CHEK2: variants seen among roughly 807,000 people sequenced by gnomAD.
The protein encoded by CHEK2 is serine/threonine-protein kinase Chk2.
A neutral mutation model predicts 69.1 loss-of-function variants in CHEK2; 71 were observed. That is an observed-to-expected ratio of 1.03 (90% CI 0.85 to 1.25). The LOEUF is 1.25. Among genes scored for constraint, CHEK2 ranks in the 50% most tolerant of loss-of-function variants. The pLI is 0.00. For synonymous variants in CHEK2, 189 were observed against 226.9 expected (o/e 0.83, Z 1.50); for missense variants, 664 against 649.6 (o/e 1.02, Z -0.24).
intron 7 of CHEK2, chr22:28,708,869 C>T (rs1445063726): frequency 1.1e-5 from 3 of 279,498 alleles, no homozygotes; most frequent in African/African-American, 4.7e-5. Flanking sequence ...AGGAGAATGG[C>T]GTGAACCCGG....
intron 7 of CHEK2, among the ~76,000 whole-genome samples, chr22:28,704,088 C>T (rs2053006893): frequency 6.7e-6 from 1 of 149,026 alleles, no homozygotes; most frequent in Non-Finnish European, 1.5e-5. Flanking sequence ...CTCTAAAACA[C>T]ACTTGGGTCG....
intron 7 of CHEK2, among the ~76,000 whole-genome samples, chr22:28,706,929 TAAAC>T (rs2053175569): frequency 6.6e-6 from 1 of 151,250 alleles, no homozygotes; most frequent in Non-Finnish European, 1.5e-5. Flanking sequence ...CATAAATAAA[TAAAC>T]AAATAAAGGA....
intron 11 of CHEK2, 148 bp from the exon 12 acceptor site, chr22:28,695,390 C>A: frequency 2.9e-6 from 2 of 679,846 alleles, no homozygotes; most frequent in East Asian, 5.5e-5. Flanking sequence ...GGCACAATGC[C>A]TTAGGCTTGT....
intron 4 of CHEK2, chr22:28,721,691 C>G: frequency 2.3e-6 from 1 of 442,462 alleles, no homozygotes; most frequent in South Asian, 1.6e-5. Flanking sequence ...ATTAGTCATT[C>G]TACAATGTAT....
chr22:28,727,009 C>T (rs2054034606), intron 2 of CHEK2, among the ~76,000 whole-genome samples: 1 of 151,982 alleles, frequency 6.6e-6, no homozygotes, highest in Non-Finnish European at 1.5e-5. Flanking sequence ...CTACACAACA[C>T]TATCTGCCTT....
intron 10 of CHEK2, among the ~76,000 whole-genome samples, chr22:28,696,476 T>C (rs956583724): frequency 6.6e-6 from 1 of 152,202 alleles, no homozygotes; most frequent in Non-Finnish European, 1.5e-5. Context: ...CAGGTTCAAG[T>C]GATTCTCGTG....
At chr22:28,709,539 A>C (rs2073326) in intron 7 of CHEK2, among the ~76,000 whole-genome samples, 6,853 of 152,298 alleles carry the variant, frequency 0.045, 177 homozygotes, top group Middle Eastern at 0.071. Flanking sequence ...TCCCAGCTAA[A>C]TGACAGCTAG....
At position 28,693,742 on chromosome 22, in the gene CHEK2, C is replaced by T. The variant is rs147891615; in HGVS notation, c.1461+290G>A. Among the ~76,000 whole-genome samples the T allele has an allele frequency of 5.5e-4, 84 of 152,190 alleles. No individual in the cohort carries two copies. The East Asian group carries it at 0.014, about 25-fold the overall frequency. On this transcript the variant is annotated intron_variant, in intron 13 of 14. Transcript: ENST00000404276. The stretch of plus-strand genomic sequence containing the variant: ...GGCATGGCAGCATGCACCTGTAATC[C>T]CAGCTACTTGGGAGGCTGAGGCAGG...
chr22:28,738,997 G>A (rs1260725258), intron 1 of CHEK2, among the ~76,000 whole-genome samples: 3 of 152,148 alleles, frequency 2.0e-5, no homozygotes, highest in African/African-American at 4.8e-5. Flanking sequence ...AGCCAGGCAC[G>A]GTGCCTCACA....
At chr22:28,702,674 G>C (rs1157845641) in intron 8 of CHEK2, among the ~76,000 whole-genome samples, 5 of 151,476 alleles carry the variant, frequency 3.3e-5, no homozygotes, top group African/African-American at 9.7e-5. Flanking sequence ...AGCCTCCTGA[G>C]TAGCTGAAGT....
chr22:28,694,393 G>C (rs183366866), intron 12 of CHEK2, among the ~76,000 whole-genome samples: 1 of 152,072 alleles, frequency 6.6e-6, no homozygotes, highest in South Asian at 2.1e-4. Flanking sequence ...ACTCAAGGTC[G>C]GACTAATTAA....
chr22:28,704,426 G>C (rs1034155224), intron 7 of CHEK2, among the ~76,000 whole-genome samples: 3 of 151,668 alleles, frequency 2.0e-5, no homozygotes, highest in Non-Finnish European at 4.4e-5. Context: ...TCCGCCTCCC[G>C]GGTTCAAGCT....
intron 1 of CHEK2, among the ~76,000 whole-genome samples, chr22:28,736,146 G>A (rs1418201435): frequency 6.6e-6 from 1 of 152,122 alleles, no homozygotes; most frequent in Non-Finnish European, 1.5e-5. Flanking sequence ...TATCTTAGGT[G>A]TATTAAATGT....
At chr22:28,730,733 A>G (rs759675200) in intron 2 of CHEK2, among the ~76,000 whole-genome samples, 2 of 151,540 alleles carry the variant, frequency 1.3e-5, no homozygotes, top group Non-Finnish European at 2.9e-5. Context: ...TGGCATAAGC[A>G]TGTAATCCCA....
At chr22:28,690,559 C>A (rs866895479) in intron 13 of CHEK2, among the ~76,000 whole-genome samples, 2 of 148,252 alleles carry the variant, frequency 1.3e-5, no homozygotes, top group Non-Finnish European at 3.0e-5. Context: ...ACTCAAGAGG[C>A]GGAGGTTGCA....
intron 2 of CHEK2, among the ~76,000 whole-genome samples, chr22:28,731,630 C>G (rs1376324741): frequency 6.6e-6 from 1 of 152,070 alleles, no homozygotes; most frequent in Non-Finnish European, 1.5e-5. Context: ...TAAACAGTCT[C>G]TATTTATTCA....
intron 1 of CHEK2, among the ~76,000 whole-genome samples, chr22:28,734,952 C>T (rs1258049208): frequency 6.6e-6 from 1 of 151,976 alleles, no homozygotes; most frequent in Non-Finnish European, 1.5e-5. Flanking sequence ...TATCTGACAG[C>T]CATAAACTAC....
chr22:28,726,651 C>A (rs944209161), intron 2 of CHEK2, among the ~76,000 whole-genome samples: 2 of 146,758 alleles, frequency 1.4e-5, no homozygotes, highest in East Asian at 3.9e-4. Flanking sequence ...TATATAAAAC[C>A]GTGAAATAAC....
chr22:28,692,007 T>C (rs1233231923), intron 13 of CHEK2, among the ~76,000 whole-genome samples: 3 of 152,228 alleles, frequency 2.0e-5, no homozygotes, highest in Non-Finnish European at 2.9e-5. Flanking sequence ...ATTCCTCCTT[T>C]CACTGCAAAA....
Sources: gnomAD v4.1 joint callset for allele counts (sites outside exome capture counted in the v4.1 genomes callset) on GRCh38, gnomAD v4.1.1 for gene constraint, MANE v1.5 for transcripts, NCBI Gene and HGNC (gene_info 2026-07-23, HGNC 2026-07-21) for gene names.